The following GRM1 variants were observed in gnomAD, a reference collection of about 807,000 sequenced individuals.
GRM1 encodes the protein glutamate metabotropic receptor 1.
In GRM1, 33 loss-of-function variants were observed where a neutral mutation model predicts 90.9. That is an observed-to-expected ratio of 0.36 (90% CI 0.28 to 0.49). The LOEUF is 0.49. Among genes scored for constraint, GRM1 ranks in the 20% least tolerant of loss-of-function variants. GRM1 has a pLI of 0.99. For missense variants in GRM1, 1,190 were observed against 1,534.3 expected (o/e 0.78, Z 3.75); for synonymous variants, 700 against 613.2 (o/e 1.14, Z -2.09).
intron 1 of GRM1, among the ~76,000 whole-genome samples, chr6:146,076,993 A>G (rs1328620706): frequency 1.3e-5 from 2 of 152,164 alleles, no homozygotes; most frequent in Non-Finnish European, 1.5e-5. Flanking sequence ...ATGACCTTGG[A>G]CAAATCTAGA....
chr6:146,299,900 C>A (rs190577682), intron 2 of GRM1, among the ~76,000 whole-genome samples: 1 of 151,562 alleles, frequency 6.6e-6, no homozygotes, highest in Non-Finnish European at 1.5e-5. Context: ...CCAAGCAGTA[C>A]GCCAAAAAAA....
At chr6:146,034,024 T>C (rs954264633) in intron 1 of GRM1, among the ~76,000 whole-genome samples, 5 of 151,958 alleles carry the variant, frequency 3.3e-5, no homozygotes, top group Non-Finnish European at 7.4e-5. Context: ...GAAATAGGAG[T>C]GTTTTGAAAG....
chr6:146,048,323 A>G (rs1214296380), intron 1 of GRM1, among the ~76,000 whole-genome samples: 1 of 151,974 alleles, frequency 6.6e-6, no homozygotes, highest in African/African-American at 2.4e-5. Flanking sequence ...CCTCACTGGG[A>G]CTTACTTTTA....
rs186834339 is a variant in GRM1, at chr6:146,122,436, C to G, written c.701-36912C>G. On this transcript the variant is annotated intron_variant, in intron 1 of 7. Transcript: ENST00000282753. ...AAAAATTTTATGAAGTGCTCACTCT[C>G]TGAAGATGTTAGTGTTTCATTATTT... 3.3e-3 allele frequency among the ~76,000 whole-genome samples: 505 copies of G among 152,264 alleles called. 3 individuals carry two copies. Among genetic ancestry groups the G allele is most frequent in the African/African-American group, 0.012 (487 of 41,556 alleles).
At chr6:146,147,341 G>C (rs929314951) in intron 1 of GRM1, among the ~76,000 whole-genome samples, 3 of 152,296 alleles carry the variant, frequency 2.0e-5, no homozygotes, top group African/African-American at 7.2e-5. Flanking sequence ...GGCAAGTTAC[G>C]TAAGTTCTCT....
intron 2 of GRM1, among the ~76,000 whole-genome samples, chr6:146,215,298 A>T (rs987742801): frequency 6.6e-6 from 1 of 152,348 alleles, no homozygotes; most frequent in East Asian, 1.9e-4. Context: ...AGTTAGTCTT[A>T]GGATAATCAA....
intron 2 of GRM1, among the ~76,000 whole-genome samples, chr6:146,191,622 G>C (rs1447512984): frequency 2.0e-5 from 3 of 152,044 alleles, no homozygotes. Context: ...TTACATAAAG[G>C]GAGAAAATAT....
chr6:146,426,538 CT>C, intron 7 of GRM1: 1 of 1,606,662 alleles, frequency 6.2e-7, no homozygotes, highest in Non-Finnish European at 8.5e-7. Flanking sequence ...CACTGGGTGT[CT>C]TTTTCTTTTC....
chr6:146,370,145 T>C (rs1775845039), intron 5 of GRM1, among the ~76,000 whole-genome samples: 1 of 152,120 alleles, frequency 6.6e-6, no homozygotes, highest in Non-Finnish European at 1.5e-5. Flanking sequence ...TAGCTATTCT[T>C]GCTCTTTTAA....
intron 2 of GRM1, among the ~76,000 whole-genome samples, chr6:146,276,217 G>C (rs1277291120): frequency 6.6e-6 from 1 of 152,042 alleles, no homozygotes; most frequent in Admixed American, 6.6e-5. Flanking sequence ...ACAGTGAAAA[G>C]AATATTAGAA....
intron 2 of GRM1, among the ~76,000 whole-genome samples, chr6:146,199,599 A>T (rs1779230188): frequency 6.6e-6 from 1 of 152,162 alleles, no homozygotes; most frequent in Non-Finnish European, 1.5e-5. Flanking sequence ...TAGCAGAGTT[A>T]TACTGGGATG....
At chr6:146,402,662 T>C (rs1031247854) in intron 7 of GRM1, among the ~76,000 whole-genome samples, 1 of 152,196 alleles carries the variant, frequency 6.6e-6, no homozygotes, top group African/African-American at 2.4e-5. Flanking sequence ...GAACAGATGC[T>C]GTAATGAAGA....
At chr6:146,398,377 T>A (rs1777042631) in intron 6 of GRM1, among the ~76,000 whole-genome samples, 1 of 152,246 alleles carries the variant, frequency 6.6e-6, no homozygotes, top group Admixed American at 6.5e-5. Flanking sequence ...GTTAGTTTAT[T>A]TCTTAATAAT....
At chr6:146,402,292 C>A (rs904838420) in intron 7 of GRM1, among the ~76,000 whole-genome samples, 2 of 152,124 alleles carry the variant, frequency 1.3e-5, no homozygotes, top group Non-Finnish European at 2.9e-5. Flanking sequence ...TTGAGGCTAA[C>A]CTTCTACGGA....
chr6:146,049,622 G>A (rs1038294476), intron 1 of GRM1, among the ~76,000 whole-genome samples: 2 of 151,534 alleles, frequency 1.3e-5, no homozygotes, highest in African/African-American at 4.9e-5. Context: ...ATAATTGCAT[G>A]AGCCAATTCC....
intron 3 of GRM1, among the ~76,000 whole-genome samples, chr6:146,311,607 TG>T (rs2114943387): frequency 6.6e-6 from 1 of 152,322 alleles, no homozygotes; most frequent in African/African-American, 2.4e-5. Context: ...TTTAAATCAG[TG>T]AAAATCACGT....
chr6:146,223,040 T>G (rs1436899377), intron 2 of GRM1, among the ~76,000 whole-genome samples: 1 of 151,896 alleles, frequency 6.6e-6, no homozygotes, highest in Non-Finnish European at 1.5e-5. Flanking sequence ...GCCCAGGAAC[T>G]CTTGGTGTCT....
At chr6:146,143,303 T>C (rs936164679) in intron 1 of GRM1, among the ~76,000 whole-genome samples, 8 of 152,180 alleles carry the variant, frequency 5.3e-5, no homozygotes, top group Admixed American at 5.2e-4. Flanking sequence ...CTACTGATGA[T>C]GTAAAAGATA....
chr6:146,197,082 C>T (rs1482545973), intron 2 of GRM1, among the ~76,000 whole-genome samples: 1 of 152,052 alleles, frequency 6.6e-6, no homozygotes, highest in Non-Finnish European at 1.5e-5. Context: ...AGAGAATTCC[C>T]AATGGGAGAG....
Sources: gnomAD v4.1 joint callset for allele counts (sites outside exome capture counted in the v4.1 genomes callset) on GRCh38, gnomAD v4.1.1 for gene constraint, MANE v1.5 for transcripts, NCBI Gene and HGNC (gene_info 2026-07-23, HGNC 2026-07-21) for gene names.